Variants in GPR139 observed in about 807,000 individuals in gnomAD.
GPR139 encodes the protein probable G protein-coupled receptor 139.
In GPR139, 12 loss-of-function variants were observed where a neutral mutation model predicts 25.8. The observed-to-expected ratio is 0.47, with a 90% CI of 0.30 to 0.75. The LOEUF (loss-of-function observed/expected upper bound fraction) is 0.75. Ranked by LOEUF, GPR139 falls within the 30% of genes least tolerant of loss-of-function variation. GPR139 has a pLI of 0.07. For synonymous variants in GPR139, 184 were observed against 179.9 expected (o/e 1.02, Z -0.18); for missense variants, 380 against 450.2 (o/e 0.84, Z 1.41).
At position 20,032,597 on chromosome 16, in the gene GPR139, A is replaced by C; in HGVS notation, c.200T>G (p.Leu67Trp). Residue 67 changes from leucine to tryptophan, a missense_variant, in exon 2 of 2, where the codon TTG becomes TGG. Coordinates refer to ENST00000570682, the MANE Select transcript of GPR139 (RefSeq NM_001002911.4). The part of the protein sequence containing the change: ...RRQKSSYNYL[L>W]ALAAADILVL... Reference sequence around the variant, plus strand: ...CAAGATGTCGGCAGCAGCGAGTGCCAAGAGATAGTTGTAGGAGGACTTCTG... The same window carrying C: ...CAAGATGTCGGCAGCAGCGAGTGCCCAGAGATAGTTGTAGGAGGACTTCTG... The C allele has an allele frequency of 6.2e-7, 1 of 1,614,066 alleles. No homozygotes were observed. Among genetic ancestry groups the C allele is most frequent in the Non-Finnish European group, 8.5e-7 (1 of 1,179,916 alleles).
At chr16:20,067,166 T>G (rs2057437507) in intron 1 of GPR139, among the ~76,000 whole-genome samples, 1 of 152,190 alleles carries the variant, frequency 6.6e-6, no homozygotes. Context: ...TTACAGAAAC[T>G]AAGCAGGAGC....
chr16:20,071,769 T>C (rs1383766282), intron 1 of GPR139, among the ~76,000 whole-genome samples: 1 of 152,160 alleles, frequency 6.6e-6, no homozygotes, highest in East Asian at 1.9e-4. Flanking sequence ...CCTCATTTTC[T>C]CCATCCTCTT....
intron 1 of GPR139, among the ~76,000 whole-genome samples, chr16:20,072,070 G>C (rs556535685): frequency 1.3e-5 from 2 of 152,168 alleles, no homozygotes; most frequent in East Asian, 3.9e-4. Flanking sequence ...GGGCTGAAGG[G>C]GGGAGGTGGA....
rs570299434 is a variant in GPR139 at position 20,028,513 on chromosome 16, C to A, written c.*3222G>T. 3.2e-4 allele frequency among the ~76,000 whole-genome samples: 49 copies of A among 152,212 alleles called. No homozygotes were observed. Among genetic ancestry groups the A allele is most frequent in the African/African-American group, 1.2e-3 (48 of 41,538 alleles). On this transcript the variant is annotated 3_prime_UTR_variant, in exon 2 of 2. Coordinates refer to ENST00000570682, the MANE Select transcript of GPR139 (RefSeq NM_001002911.4). ...TTTTTTTCTATGGTAACTTTCTATT[C>A]CATTCTCTGAACTGGAATAGCCAAC...
chr16:20,032,478 G>T lies in GPR139; in HGVS notation c.319C>A (p.Leu107Met). The T allele has an allele frequency of 6.8e-6, 11 of 1,614,164 alleles. No individual in the cohort carries two copies. The highest frequency in any genetic ancestry group is 9.3e-6 in the Non-Finnish European group (11 of 1,180,024). Residue 107 changes from leucine to methionine, a missense_variant, in exon 2 of 2, where the codon CTG (leucine) becomes ATG (methionine). Transcript: ENST00000570682. ...PQVPDKIIEV[L>M]EFSSIHTSIW... ...GAGGTGTGGATGGATGAGAATTCCA[G>T]CACTTCTATGATCTTGTCGGGGACC...
intron 1 of GPR139, among the ~76,000 whole-genome samples, chr16:20,037,908 T>C (rs2141202226): frequency 6.6e-6 from 1 of 152,312 alleles, no homozygotes; most frequent in South Asian, 2.1e-4. Context: ...TCGGCCAGGC[T>C]AGAGTGCAAT....
At chr16:20,071,677 C>T (rs923024826) in intron 1 of GPR139, among the ~76,000 whole-genome samples, 2 of 152,246 alleles carry the variant, frequency 1.3e-5, no homozygotes, top group East Asian at 1.9e-4. Flanking sequence ...GTCAGGAAGG[C>T]CCTAGCTGGC....
At chr16:20,067,672 C>T (rs543473439) in intron 1 of GPR139, among the ~76,000 whole-genome samples, 18 of 152,012 alleles carry the variant, frequency 1.2e-4, no homozygotes, top group Non-Finnish European at 2.2e-4. Flanking sequence ...GGCATGGTGG[C>T]GCATGCCTGT....
At chr16:20,060,412 GATGTGTGTCTGC>G (rs1254211681) in intron 1 of GPR139, among the ~76,000 whole-genome samples, 1 of 151,928 alleles carries the variant, frequency 6.6e-6, no homozygotes, top group Non-Finnish European at 1.5e-5. Flanking sequence ...CTCTGCATGT[GATGTGTGTCTGC>G]ATGTGTGTCT....
intron 1 of GPR139, among the ~76,000 whole-genome samples, chr16:20,058,389 G>A (rs2057398925): frequency 6.6e-6 from 1 of 152,080 alleles, no homozygotes; most frequent in South Asian, 2.1e-4. Flanking sequence ...TTTGAGGAAG[G>A]CGTGAACATA....
intron 1 of GPR139, among the ~76,000 whole-genome samples, chr16:20,057,977 A>G (rs1359742035): frequency 6.6e-6 from 1 of 152,190 alleles, no homozygotes; most frequent in Admixed American, 6.5e-5. Context: ...AGTCCCTGGC[A>G]CAAAGTAGGG....
chr16:20,043,676 A>T (rs950492581), intron 1 of GPR139, among the ~76,000 whole-genome samples: 1 of 152,188 alleles, frequency 6.6e-6, no homozygotes, highest in African/African-American at 2.4e-5. Flanking sequence ...CCTGCTGAAG[A>T]TGGCACAGCT....
chr16:20,043,174 C>T (rs2057342542), intron 1 of GPR139, among the ~76,000 whole-genome samples: 1 of 152,226 alleles, frequency 6.6e-6, no homozygotes, highest in African/African-American at 2.4e-5. Flanking sequence ...GAGTCAGCAG[C>T]CGGGCTGCAG....
intron 1 of GPR139, among the ~76,000 whole-genome samples, chr16:20,050,389 C>G (rs937451034): frequency 7.2e-5 from 11 of 152,120 alleles, no homozygotes; most frequent in Admixed American, 4.6e-4. Flanking sequence ...GGGGTGCATT[C>G]TTTGCAGGGA....
At chr16:20,060,255 T>TGC (rs1044836657) in intron 1 of GPR139, among the ~76,000 whole-genome samples, 4 of 151,762 alleles carry the variant, frequency 2.6e-5, no homozygotes, top group East Asian at 1.9e-4. Flanking sequence ...TGTGTGTGTG[T>TGC]GCGTGTGTGT....
At chr16:20,038,619 T>C (rs2057319692) in intron 1 of GPR139, among the ~76,000 whole-genome samples, 1 of 152,112 alleles carries the variant, frequency 6.6e-6, no homozygotes, top group African/African-American at 2.4e-5. Flanking sequence ...TTCCCATTTC[T>C]TTTGTACAGG....
intron 1 of GPR139, among the ~76,000 whole-genome samples, chr16:20,057,920 G>T (rs958834913): frequency 6.6e-6 from 1 of 152,090 alleles, no homozygotes; most frequent in Non-Finnish European, 1.5e-5. Context: ...TAGGGCAAAA[G>T]CCATTTCATG....
At chr16:20,043,667 C>T (rs1235244587) in intron 1 of GPR139, among the ~76,000 whole-genome samples, 1 of 152,164 alleles carries the variant, frequency 6.6e-6, no homozygotes, top group Non-Finnish European at 1.5e-5. Flanking sequence ...GGTAAGCCAC[C>T]TGCTGAAGAT....
In GPR139 at chr16:20,030,084, T is replaced by G. The variant is rs114382462; in HGVS notation, c.*1651A>C. On this transcript the variant is annotated 3_prime_UTR_variant, in exon 2 of 2. Coordinates refer to ENST00000570682, the MANE Select transcript of GPR139 (RefSeq NM_001002911.4). The stretch of plus-strand genomic sequence containing the variant: ...AGAATTAGGATCATCAGGACTAATA[T>G]GACCTAAGTTTGTATTGAGTTAGTA... Among the ~76,000 whole-genome samples the G allele has an allele frequency of 0.018, 2,731 of 152,330 alleles. 76 individuals are homozygous for G. Among genetic ancestry groups the G allele is most frequent in the African/African-American group, 0.061 (2,533 of 41,560 alleles).
Sources: allele counts gnomAD v4.1 joint callset (sites outside exome capture counted in the v4.1 genomes callset), GRCh38; gene constraint gnomAD v4.1.1; transcripts MANE v1.5; gene names NCBI Gene and HGNC (gene_info 2026-07-23, HGNC 2026-07-21).